The following FAM234A variants were observed in gnomAD, a reference collection of about 807,000 sequenced individuals.
FAM234A encodes the protein family with sequence similarity 234 member A.
A neutral mutation model predicts 49.1 loss-of-function variants in FAM234A; 42 were observed. The observed-to-expected ratio is 0.86, with a 90% CI of 0.67 to 1.11. The LOEUF is 1.11. Among genes scored for constraint, FAM234A ranks in the 50% least tolerant of loss-of-function variants. FAM234A has a pLI of 0.00. For missense variants in FAM234A, 815 were observed against 745.2 expected (o/e 1.09, Z -1.09); for synonymous variants, 369 against 316.2 (o/e 1.17, Z -1.77).
rs1191693632 is a variant in FAM234A, at chr16:264,885, C to G, written c.1522C>G (p.Leu508Val). 1 of 1,612,904 alleles carries G rather than the reference C, an allele frequency of 6.2e-7. No homozygotes were observed. ...TGPADSEAPG[L>V]VSVIKHKVRD... ...CCCGGCAGACTCAGAGGCACCCGGC[C>G]TGGTCTCTGTGATCAAGCACAAGGT... The change falls in exon 13 of 13, where the codon CTG becomes GTG. Residue 508 changes from leucine to valine, a missense_variant. Coordinates refer to ENST00000399932, the MANE Select transcript of FAM234A (RefSeq NM_032039.4).
Position 264,971 on chromosome 16 carries a change from C to T in FAM234A, c.1608C>T (p.Asp536=), listed in dbSNP as rs199584762. The T allele has an allele frequency of 1.2e-4, 189 of 1,612,448 alleles. 1 individual carries two copies. In the East Asian group the frequency reaches 4.2e-3, roughly 36 times the overall value. Residue 536 remains aspartate, a synonymous_variant, in exon 13 of 13, where the codon GAC becomes GAT. Coordinates refer to ENST00000399932, the MANE Select transcript of FAM234A (RefSeq NM_032039.4). ...TGGGTGAGGGTGGGCCAGACAGTGA[C>T]CAAGCCATCAGGGACCGGTTCTCCC... ...VRLGEGGPDS[D]QAIRDRFSRL...
intron 1 of FAM234A, among the ~76,000 whole-genome samples, chr16:247,291 G>A (rs1408970392): frequency 1.3e-5 from 2 of 151,400 alleles, no homozygotes; most frequent in Non-Finnish European, 2.9e-5. Context: ...CACCACACCG[G>A]GCTGATTTTT....
chr16:261,034 C>T (rs2051444449), intron 5 of FAM234A, among the ~76,000 whole-genome samples: 1 of 152,232 alleles, frequency 6.6e-6, no homozygotes, highest in Admixed American at 6.5e-5. Flanking sequence ...TTCATCCACT[C>T]GGGCAGGAGG....
At chr16:235,162 G>A (rs2050355702) in intron 1 of FAM234A, among the ~76,000 whole-genome samples, 1 of 152,218 alleles carries the variant, frequency 6.6e-6, no homozygotes, top group East Asian at 1.9e-4. Flanking sequence ...CTCAAAGCGG[G>A]GTTTTACCTC....
chr16:268,552 G>C, downstream of FAM234A: 1 of 588,348 alleles, frequency 1.7e-6, no homozygotes, highest in East Asian at 2.8e-5. Flanking sequence ...AGGGACGCCT[G>C]GCAAGGATCC....
intron 2 of FAM234A, among the ~76,000 whole-genome samples, chr16:251,775 G>A (rs542562937): frequency 2.0e-5 from 3 of 149,028 alleles, no homozygotes; most frequent in East Asian, 2.0e-4. Flanking sequence ...AGGCCAGTGC[G>A]GGTGGATCAC....
rs914988265 is a variant in FAM234A, at chr16:245,209, C to A, written c.-139-4340C>A. Among the ~76,000 whole-genome samples, 2 of 152,042 alleles carry A rather than the reference C, an allele frequency of 1.3e-5. 1 individual carries two copies. The highest frequency in any genetic ancestry group is 6.8e-3 in the Middle Eastern group (2 of 294). ...AAAAAATACAAAAATTTGCCCGGCG[C>A]GGTGATGCACACCTGTGGTCCCAGC... On this transcript the variant is annotated intron_variant, in intron 1 of 12. Coordinates refer to ENST00000399932, the MANE Select transcript of FAM234A (RefSeq NM_032039.4).
chr16:241,067 ATAC>A (rs1301347463), intron 1 of FAM234A, among the ~76,000 whole-genome samples: 4 of 152,000 alleles, frequency 2.6e-5, no homozygotes, highest in Non-Finnish European at 5.9e-5. Context: ...CTAGAGGCAC[ATAC>A]CACCATACCC....
intron 9 of FAM234A, 60 bp from the exon 10 acceptor site, chr16:263,640 T>G: frequency 7.1e-7 from 1 of 1,409,922 alleles, no homozygotes; most frequent in South Asian, 1.1e-5. Flanking sequence ...CCTGGGTGCT[T>G]CCTTCATCTC....
intron 2 of FAM234A, among the ~76,000 whole-genome samples, chr16:252,122 C>G (rs1308758660): frequency 6.6e-6 from 1 of 151,010 alleles, no homozygotes; most frequent in African/African-American, 2.4e-5. Flanking sequence ...TTTGGCCTCC[C>G]AAAGTACTGG....
intron 3 of FAM234A, among the ~76,000 whole-genome samples, chr16:258,009 C>G (rs2051305231): frequency 6.6e-6 from 1 of 152,088 alleles, no homozygotes; most frequent in African/African-American, 2.4e-5. Flanking sequence ...AGGCGCCCGC[C>G]ACCACGCCCG....
At chr16:258,544 A>G (rs1384009900) in intron 3 of FAM234A, among the ~76,000 whole-genome samples, 1 of 152,158 alleles carries the variant, frequency 6.6e-6, no homozygotes, top group Non-Finnish European at 1.5e-5. Flanking sequence ...AAAGTCTCCC[A>G]TGTCTACTTC....
Position 259,539 on chromosome 16 carries a change from CT to C in FAM234A, c.330del (p.Leu111PhefsTer100). On this transcript the variant is annotated frameshift_variant, in exon 4 of 13. Transcript: ENST00000399932. LOFTEE classifies it high-confidence loss of function. Reference protein sequence around the residue: ...DINGDRIQDVLFLYKNTNSSN... With the variant: ...DINGDRIQDVXFLYKNTNSSN... Reference sequence around the variant, plus strand: ...AAACGGGGACAGGATCCAAGATGTTCTTTTTCTTTATAAAAACACCAACAGC... The same window carrying C: ...AAACGGGGACAGGATCCAAGATGTTCTTTTCTTTATAAAAACACCAACAGC... 6.2e-7 allele frequency: 1 copy of C among 1,613,156 alleles called. No individual in the cohort carries two copies. The highest frequency in any genetic ancestry group is 2.2e-5 in the East Asian group (1 of 44,882).
Position 254,529 on chromosome 16 carries a change from C to T in FAM234A, c.116C>T (p.Pro39Leu). 3.7e-6 allele frequency: 6 copies of T among 1,614,254 alleles called. No homozygotes were observed. The highest frequency in any genetic ancestry group is 5.1e-6 in the Non-Finnish European group (6 of 1,180,046). Residue 39 changes from proline (P) to leucine (L), a missense_variant, in exon 3 of 13, where the codon CCT becomes CTT. Coordinates refer to ENST00000399932, the MANE Select transcript of FAM234A (RefSeq NM_032039.4). The stretch of plus-strand genomic sequence containing the variant: ...AATGAGGATAACGTGAAAAGCGCGC[C>T]TCCACAGTCCCGGCTCTCCCGGTGC... Reference protein sequence around the residue: ...SKNEDNVKSAPPQSRLSRCRA... With the variant: ...SKNEDNVKSALPQSRLSRCRA...
At chr16:264,568 A>T in intron 11 of FAM234A, 46 bp from the exon 12 acceptor site, 1 of 1,263,944 alleles carries the variant, frequency 7.9e-7, no homozygotes, top group Non-Finnish European at 1.1e-6. Flanking sequence ...GTCCTGTGGG[A>T]GTGCTCAGTG....
At chr16:246,291 T>G (rs2050800830) in intron 1 of FAM234A, among the ~76,000 whole-genome samples, 3 of 150,690 alleles carry the variant, frequency 2.0e-5, no homozygotes, top group African/African-American at 4.9e-5. Context: ...GGATTTTTTT[T>G]TTTTTTTGTG....
At chr16:260,326 G>A (rs181916456) in intron 5 of FAM234A, 166 bp downstream of exon 5, 9 of 665,002 alleles carry the variant, frequency 1.4e-5, no homozygotes, top group African/African-American at 3.6e-5. Flanking sequence ...GGCTGCAAGC[G>A]TGTGGAAGGC....
At chr16:261,743 C>T (rs776629794) in intron 6 of FAM234A, among the ~76,000 whole-genome samples, 2 of 152,214 alleles carry the variant, frequency 1.3e-5, no homozygotes, top group African/African-American at 2.4e-5. Context: ...GTACACACTT[C>T]CCATTTGTGC....
rs79752925 is a variant in FAM234A, at chr16:259,427, C to T, written c.269-56C>T. On this transcript the variant is annotated intron_variant, in intron 3 of 12. Transcript: ENST00000399932. ...AGAAGTAGGTCGTGCTGGACCTGAT[C>T]GTTCCTGGAAACCAGGCATGGCCCG... The T allele has an allele frequency of 3.6e-3, 3,620 of 1,008,284 alleles. 80 individuals carry two copies. In the African/African-American group the frequency reaches 0.051, roughly 14 times the overall value. 62.5% of individuals were successfully genotyped at this position (1,008,284 alleles called of 1,614,324 possible).
Sources: allele counts gnomAD v4.1 joint callset (sites outside exome capture counted in the v4.1 genomes callset), GRCh38; gene constraint gnomAD v4.1.1; transcripts MANE v1.5; gene names NCBI Gene and HGNC (gene_info 2026-07-23, HGNC 2026-07-21).